FGL1: variants seen among roughly 807,000 people sequenced by gnomAD.
The protein encoded by FGL1 is fibrinogen-like protein 1.
A neutral mutation model predicts 43.7 loss-of-function variants in FGL1; 59 were observed. The observed-to-expected ratio is 1.35, with a 90% confidence interval of 1.10 to 1.68. FGL1 has a LOEUF of 1.68. FGL1 is among the 40% of genes most tolerant of loss of function. The probability of loss-of-function intolerance (pLI) is 0.00; values close to 1 mark genes in which losing one functional copy is unlikely to be tolerated. For synonymous variants in FGL1, 192 were observed against 126.5 expected, an observed-to-expected ratio of 1.52 and a Z score of -3.48; for missense variants, 596 against 373.0, an observed-to-expected ratio of 1.60 and a Z score of -4.92.
At position 17,892,955 on chromosome 8, in the gene FGL1, G is replaced by A. The variant is rs140731385; in HGVS notation, c.-18+2492C>T. Reference sequence around the variant, plus strand: ...TGGCTCATGCCTGTAATCCCAGCACGTTGAGAGGCTGAGGCAGGCAGATCA... The same window carrying A: ...TGGCTCATGCCTGTAATCCCAGCACATTGAGAGGCTGAGGCAGGCAGATCA... On this transcript the variant is annotated intron_variant, in intron 1 of 7. Coordinates refer to ENST00000427924, the MANE Select transcript of FGL1 (RefSeq NM_004467.4). Among the ~76,000 whole-genome samples, 643 of 152,200 alleles carry A rather than the reference G, an allele frequency of 4.2e-3. 3 individuals are homozygous for A. The highest frequency in any genetic ancestry group is 0.015 in the African/African-American group (607 of 41,532).
chr8:17,869,330 C>A (rs889462162), intron 5 of FGL1, among the ~76,000 whole-genome samples: 1 of 152,120 alleles, frequency 6.6e-6, no homozygotes, highest in Admixed American at 6.5e-5. Context: ...ATGAAAGGGT[C>A]GACGTTTTAC....
At chr8:17,872,996 G>T (rs999077429) in intron 5 of FGL1, among the ~76,000 whole-genome samples, 1 of 152,152 alleles carries the variant, frequency 6.6e-6, no homozygotes, top group Non-Finnish European at 1.5e-5. Flanking sequence ...GTGGTAGGTT[G>T]AAACTTCTTT....
At chr8:17,887,904 T>C (rs1462299589) in intron 1 of FGL1, among the ~76,000 whole-genome samples, 2 of 152,120 alleles carry the variant, frequency 1.3e-5, no homozygotes, top group East Asian at 3.8e-4. Context: ...ATGATATAAT[T>C]TGTAGCAACA....
chr8:17,867,520 T>A (rs1359560830), intron 7 of FGL1, among the ~76,000 whole-genome samples: 1 of 152,216 alleles, frequency 6.6e-6, no homozygotes, highest in African/African-American at 2.4e-5. Flanking sequence ...TAACAACAAC[T>A]AATAATAAAA....
chr8:17,873,084 T>C (rs557197539), intron 5 of FGL1, among the ~76,000 whole-genome samples: 8 of 152,338 alleles, frequency 5.3e-5, no homozygotes, highest in South Asian at 4.1e-4. Flanking sequence ...TCATATATTA[T>C]AGTGTTTTAT....
intron 1 of FGL1, among the ~76,000 whole-genome samples, chr8:17,891,115 A>C (rs1394265579): frequency 6.6e-6 from 1 of 152,206 alleles, no homozygotes. Flanking sequence ...TGTAAGCACG[A>C]AGAGGTGAGT....
In FGL1 at chr8:17,874,444, A is replaced by G. The variant is rs1257288171; in HGVS notation, c.322T>C (p.Phe108Leu). 1.1e-5 allele frequency: 17 copies of G among 1,614,126 alleles called. No individual in the cohort carries two copies. The Middle Eastern group carries it at 4.9e-4, about 47-fold the overall frequency. The change falls in exon 4 of 8, where the codon TTT (phenylalanine) becomes CTT (leucine). Residue 108 changes from phenylalanine to leucine, a missense_variant. By Grantham distance (22) the Phe-to-Leu change is conservative. Transcript: ENST00000427924. ...TCGGACATGTCACAATAAACAGAAA[A>G]TTCTGCTGGGCTCTGGAGAGGTTTG... is the stretch of plus-strand genomic sequence containing the variant. Reference protein sequence around the residue: ...KIKPLQSPAEFSVYCDMSDGG... With the variant: ...KIKPLQSPAELSVYCDMSDGG...
rs1160756282 is a variant in FGL1, at chr8:17,885,662, T to C, written c.-17-91A>G. On this transcript the variant is annotated intron_variant, in intron 1 of 7. Transcript: ENST00000427924. ...ACTTCAGTAGCTCCAGGAAGTCGGATGCAGCCGCAGGCCATCCCTAATCTT... is the reference window on the plus strand; with the variant it reads ...ACTTCAGTAGCTCCAGGAAGTCGGACGCAGCCGCAGGCCATCCCTAATCTT... 1.3e-4 allele frequency: 130 copies of C among 1,035,720 alleles called. 1 individual carries two copies. In the South Asian group the frequency reaches 1.8e-3, roughly 14 times the overall value. The allele number at this position is 1,035,720 out of a possible 1,614,324, so 64.2% of individuals were successfully genotyped here. A position where few individuals can be genotyped will look rare whatever the true frequency, so the allele number is the denominator to read the frequency against.
intron 3 of FGL1, among the ~76,000 whole-genome samples, chr8:17,877,519 T>G (rs1251565730): frequency 6.6e-6 from 1 of 151,238 alleles, no homozygotes; most frequent in Non-Finnish European, 1.5e-5. Context: ...CAAAAAGAGG[T>G]AAGCAACAGA....
intron 1 of FGL1, among the ~76,000 whole-genome samples, chr8:17,893,549 C>A (rs1287694008): frequency 1.3e-5 from 2 of 149,302 alleles, no homozygotes; most frequent in African/African-American, 2.5e-5. Context: ...ATGTTTATCT[C>A]ACTACCATTA....
rs188470694 is a variant in FGL1 at position 17,864,469 on chromosome 8, G to A, written c.*123C>T. ...CACATTAAGTAACAAAGGCAAGTGA[G>A]AAGAATGAAAAGCACTACTCACAAC... On this transcript the variant is annotated 3_prime_UTR_variant, in exon 8 of 8. Transcript: ENST00000427924. 2 of 1,028,574 alleles carry A rather than the reference G, an allele frequency of 1.9e-6. No homozygotes were observed. Among genetic ancestry groups the A allele is most frequent in the Admixed American group, 6.0e-5 (2 of 33,262 alleles). The allele number at this position is 1,028,574 out of a possible 1,614,324, so 63.7% of individuals were successfully genotyped here.
chr8:17,883,058 A>G (rs1209223511), intron 2 of FGL1, among the ~76,000 whole-genome samples: 11 of 89,838 alleles, frequency 1.2e-4, no homozygotes, highest in Admixed American at 1.8e-4. Flanking sequence ...AATATATATC[A>G]TATGTAATAT....
chr8:17,873,683 C>A (rs375115982), intron 5 of FGL1, among the ~76,000 whole-genome samples: 1 of 123,206 alleles, frequency 8.1e-6, no homozygotes. Flanking sequence ...CTATATATAT[C>A]TATAGATACA....
At chr8:17,865,738 A>C (rs34907373) in intron 7 of FGL1, among the ~76,000 whole-genome samples, 7,410 of 152,260 alleles carry the variant, frequency 0.049, 624 homozygotes, top group African/African-American at 0.17. Flanking sequence ...TTTATTGATA[A>C]AATTAATGAA....
rs1438131559 is a variant in FGL1 at position 17,874,395 on chromosome 8, T to G, written c.371A>C (p.Gln124Pro). 8 of 1,614,054 alleles carry G rather than the reference T, an allele frequency of 5.0e-6. No individual in the cohort carries two copies. Among genetic ancestry groups the G allele is most frequent in the Non-Finnish European group, 5.9e-6 (7 of 1,179,962 alleles). The change falls in exon 4 of 8, where the codon CAG (glutamine) becomes CCG (proline). Residue 124 changes from glutamine (Q) to proline (P), a missense_variant. Gln to Pro is a moderately conservative substitution (Grantham distance 76). Coordinates refer to ENST00000427924, the MANE Select transcript of FGL1 (RefSeq NM_004467.4). ...MSDGGGWTVI[Q>P]RRSDGSENFN... Reference sequence around the variant, plus strand: ...GTTTTCACTGCCATCAGATCGTCTCTGAATTACAGTCCATCCTCCTCCATC... The same window carrying G: ...GTTTTCACTGCCATCAGATCGTCTCGGAATTACAGTCCATCCTCCTCCATC...
chr8:17,883,678 A>C (rs1265893117), intron 2 of FGL1, among the ~76,000 whole-genome samples: 1 of 145,556 alleles, frequency 6.9e-6, no homozygotes, highest in Non-Finnish European at 1.5e-5. Context: ...ATAGTCTATA[A>C]TATATATATA....
At chr8:17,886,237 C>T (rs1314785103) in intron 1 of FGL1, among the ~76,000 whole-genome samples, 2 of 152,142 alleles carry the variant, frequency 1.3e-5, no homozygotes, top group East Asian at 3.9e-4. Context: ...GACATACTTT[C>T]CTCTTTTACT....
chr8:17,874,486 T>C lies in FGL1; in HGVS notation c.280A>G (p.Ser94Gly). The change falls in exon 4 of 8, where the codon AGT (serine) becomes GGT (glycine). Residue 94 changes from serine (S) to glycine (G), a missense_variant. Ser to Gly is a moderately conservative substitution (Grantham distance 56, BLOSUM62 0). Transcript: ENST00000427924. ...SEIFNDGYKL[S>G]GFYKIKPLQS... ...AGAGGTTTGATTTTGTAAAATCCACTGAGCTTATACCCATCATTGAAAATC... is the reference window on the plus strand; with the variant it reads ...AGAGGTTTGATTTTGTAAAATCCACCGAGCTTATACCCATCATTGAAAATC... 9.3e-6 allele frequency: 15 copies of C among 1,614,000 alleles called. No homozygotes were observed. Among genetic ancestry groups the C allele is most frequent in the Non-Finnish European group, 1.3e-5 (15 of 1,179,906 alleles).
In FGL1 at chr8:17,882,062, G is replaced by C. The variant is rs569475591; in HGVS notation, c.181C>G (p.Gln61Glu). The C allele has an allele frequency of 1.2e-6, 2 of 1,613,996 alleles. No homozygotes were observed. Among genetic ancestry groups the C allele is most frequent in the Admixed American group, 1.7e-5 (1 of 59,992 alleles). ...IKQLLQENEV[Q>E]FLDKGDENTV... ...TTCTCATCTCCTTTATCAAGGAACT[G>C]GACTTCATTCTCCTGCAAAAGCTGC... The change falls in exon 3 of 8, where the codon CAG becomes GAG. Residue 61 changes from glutamine to glutamate, a missense_variant. Coordinates refer to ENST00000427924, the MANE Select transcript of FGL1 (RefSeq NM_004467.4).
Sources: allele counts gnomAD v4.1 joint callset (sites outside exome capture counted in the v4.1 genomes callset), GRCh38; gene constraint gnomAD v4.1.1; transcripts MANE v1.5; gene names NCBI Gene and HGNC (gene_info 2026-07-23, HGNC 2026-07-21).